CHGB: variants seen among roughly 807,000 people sequenced by gnomAD.
The protein encoded by CHGB is secretogranin-1.
Under a neutral mutation model 69.9 loss-of-function variants are expected in CHGB, and 46 were observed. The observed-to-expected ratio is 0.66, with a 90% CI of 0.52 to 0.84. The LOEUF (loss-of-function observed/expected upper bound fraction) is 0.84, where lower values mean the gene tolerates loss of function less well. Ranked by LOEUF, CHGB falls within the 40% of genes least tolerant of loss-of-function variation. The probability of loss-of-function intolerance (pLI) is 0.00; values close to 1 mark genes in which losing one functional copy is unlikely to be tolerated. For synonymous variants in CHGB, 312 were observed against 298.2 expected (o/e 1.05, Z -0.48); for missense variants, 796 against 822.2 (o/e 0.97, Z 0.39).
rs746929287 is a variant in CHGB at position 5,923,358 on chromosome 20, G to C, written c.1214G>C (p.Ser405Thr). 3.0e-5 allele frequency: 49 copies of C among 1,613,892 alleles called. No homozygotes were observed. Among genetic ancestry groups the C allele is most frequent in the Non-Finnish European group, 3.9e-5 (46 of 1,180,020 alleles). Residue 405 changes from serine (S) to threonine (T), a missense_variant, in exon 4 of 5, where the codon AGT (serine) becomes ACT (threonine). Ser to Thr is a moderately conservative substitution (Grantham distance 58). Coordinates refer to ENST00000378961, the MANE Select transcript of CHGB (RefSeq NM_001819.3). Reference protein sequence around the residue: ...DKMAHGYGEESEEERGLEPGK... With the variant: ...DKMAHGYGEETEEERGLEPGK... ...ATGGCACATGGATATGGTGAAGAAA[G>C]TGAGGAAGAGAGGGGCCTTGAGCCG...
chr20:5,916,349 A>G lies in CHGB; in HGVS notation c.73A>G (p.Asn25Asp), dbSNP rs748442966. 1.9e-6 allele frequency: 3 copies of G among 1,613,704 alleles called. No homozygotes were observed. The highest frequency in any genetic ancestry group is 2.2e-5 in the South Asian group (2 of 90,980). The change falls in exon 2 of 5, where the codon AAC becomes GAC. Residue 25 changes from asparagine to aspartate, a missense_variant. Coordinates refer to ENST00000378961, the MANE Select transcript of CHGB (RefSeq NM_001819.3). ...AGCTGTCAATTCCATGCCAGTGGATAACAGGAACCACAATGAAGGAATGGT... is the reference window on the plus strand; with the variant it reads ...AGCTGTCAATTCCATGCCAGTGGATGACAGGAACCACAATGAAGGAATGGT... ...LAAVNSMPVD[N>D]RNHNEGMVTR...
chr20:5,922,287 A>T lies in CHGB; in HGVS notation c.191-48A>T, dbSNP rs763292455. ...TGATTACTGAGGCTGGTGCTTGTGG[A>T]ACCACAAGCAATTCTGAAATTATAC... On this transcript the variant is annotated intron_variant, in intron 3 of 4. Coordinates refer to ENST00000378961, the MANE Select transcript of CHGB (RefSeq NM_001819.3). 4.5e-5 allele frequency: 68 copies of T among 1,495,678 alleles called. 1 individual carries two copies. The East Asian group carries it at 1.5e-3, about 34-fold the overall frequency. The allele number at this position is 1,495,678 out of a possible 1,614,324, so 92.7% of individuals were successfully genotyped here. A position where few individuals can be genotyped will look rare whatever the true frequency, so the allele number is the denominator to read the frequency against.
Position 5,922,928 on chromosome 20 carries a change from G to T in CHGB, c.784G>T (p.Glu262Ter). ...TAAAGGCCAACCCCGAAGCCAGGAAGAATCTGAGGAAGGTGAGGAAGATGC... is the reference window on the plus strand; with the variant it reads ...TAAAGGCCAACCCCGAAGCCAGGAATAATCTGAGGAAGGTGAGGAAGATGC... ...ESKGQPRSQE[E>*]SEEGEEDATS... The change falls in exon 4 of 5, where the codon GAA becomes TAA. Residue 262 changes from glutamate to a stop codon, truncating the protein, a stop_gained. Transcript: ENST00000378961. LOFTEE classifies it high-confidence loss of function. 1.2e-6 allele frequency: 2 copies of T among 1,612,884 alleles called. No homozygotes were observed. Among genetic ancestry groups the T allele is most frequent in the Non-Finnish European group, 1.7e-6 (2 of 1,179,438 alleles).
In CHGB at chr20:5,922,950, A is replaced by G; in HGVS notation, c.806A>G (p.Asp269Gly). Residue 269 changes from aspartate (D) to glycine (G), a missense_variant, in exon 4 of 5, where the codon GAT becomes GGT. Around this residue, in one of 3 missense-constraint regions of CHGB, gnomAD observed 518 missense variants for 506.3 expected, o/e 1.02. Transcript: ENST00000378961. ...GAAGAATCTGAGGAAGGTGAGGAAGATGCCACCTCTGAGGTGGACAAACGA... is the reference window on the plus strand; with the variant it reads ...GAAGAATCTGAGGAAGGTGAGGAAGGTGCCACCTCTGAGGTGGACAAACGA... ...SQEESEEGEE[D>G]ATSEVDKRRT... The G allele has an allele frequency of 6.2e-7, 1 of 1,611,598 alleles. No individual in the cohort carries two copies. Among genetic ancestry groups the G allele is most frequent in the Non-Finnish European group, 8.5e-7 (1 of 1,178,820 alleles).
chr20:5,925,142 G>A lies in CHGB; in HGVS notation c.*93G>A. ...GAAAGACACCATTTATCTACCCAAG[G>A]GCAGAAAGTAGAACTTACTATTCAT... On this transcript the variant is annotated 3_prime_UTR_variant, in exon 5 of 5. Coordinates refer to ENST00000378961, the MANE Select transcript of CHGB (RefSeq NM_001819.3). The A allele has an allele frequency of 1.3e-6, 1 of 749,026 alleles. No homozygotes were observed. The highest frequency in any genetic ancestry group is 2.4e-4 in the Middle Eastern group (1 of 4,186). 46.4% of individuals were successfully genotyped at this position (749,026 alleles called of 1,614,324 possible). A position where few individuals can be genotyped will look rare whatever the true frequency, so the allele number is the denominator to read the frequency against.
Position 5,923,021 on chromosome 20 carries a change from T to TC in CHGB, c.879dup (p.Ser294LeufsTer9), listed in dbSNP as rs777267029. 1 of 1,612,194 alleles carries TC rather than the reference T, an allele frequency of 6.2e-7. No individual in the cohort carries two copies. The highest frequency in any genetic ancestry group is 2.2e-5 in the East Asian group (1 of 44,768). On this transcript the variant is annotated frameshift_variant, in exon 4 of 5. Transcript: ENST00000378961. LOFTEE classifies it high-confidence loss of function. ...CCACGGGAGGAGCAGGCCCGACAGG[T>TC]CCTCTCAAGGAGGGAGTCTTCCCTC...
intron 3 of CHGB, among the ~76,000 whole-genome samples, chr20:5,918,928 A>T (rs1330178341): frequency 6.6e-6 from 1 of 151,730 alleles, no homozygotes; most frequent in African/African-American, 2.4e-5. Flanking sequence ...GGACCCTAGA[A>T]ACAGTGGATG....
chr20:5,913,628 C>CTTTTTTTTTTT (rs918275521), intron 1 of CHGB, among the ~76,000 whole-genome samples: 33 of 90,438 alleles, frequency 3.6e-4, no homozygotes, highest in Non-Finnish European at 5.2e-4. Context: ...CTTTTCTTTT[C>CTTTTTTTTTTT]TTTTTTTTTT....
rs2088530185 is a variant in CHGB, at chr20:5,923,502, T to C, written c.1358T>C (p.Met453Thr). Residue 453 changes from methionine to threonine, a missense_variant, in exon 4 of 5, where the codon ATG becomes ACG. Met to Thr is a moderately conservative substitution (Grantham distance 81, BLOSUM62 -1). Transcript: ENST00000378961. ...CACCACCGTGTCCAAGAAAACCAGA[T>C]GGACAAGGCAAGGAGGCATCCACAA... is the stretch of plus-strand genomic sequence containing the variant. ...EGHHRVQENQ[M>T]DKARRHPQGA... The C allele has an allele frequency of 1.2e-6, 2 of 1,613,930 alleles. No individual in the cohort carries two copies. Among genetic ancestry groups the C allele is most frequent in the Non-Finnish European group, 8.5e-7 (1 of 1,179,960 alleles).
intron 1 of CHGB, among the ~76,000 whole-genome samples, chr20:5,913,684 C>T (rs557927469): frequency 3.1e-5 from 4 of 130,454 alleles, no homozygotes; most frequent in East Asian, 2.2e-4. Context: ...GGCTGGAGTG[C>T]GGTGGTGCAA....
rs368135478 is a variant in CHGB, at chr20:5,918,558, A to G, written c.190+1639A>G. On this transcript the variant is annotated intron_variant, in intron 3 of 4. Coordinates refer to ENST00000378961, the MANE Select transcript of CHGB (RefSeq NM_001819.3). ...CCAGGCGCAGTGGCTCACACCTGTA[A>G]TCCCAGCACTTTGGGAGGCTGAGGC... Among the ~76,000 whole-genome samples, 167 of 152,204 alleles carry G rather than the reference A, an allele frequency of 1.1e-3. 1 individual carries two copies. Among genetic ancestry groups the G allele is most frequent in the South Asian group, 0.011 (52 of 4,826 alleles).
At chr20:5,913,641 T>C (rs539673342) in intron 1 of CHGB, among the ~76,000 whole-genome samples, 4 of 147,068 alleles carry the variant, frequency 2.7e-5, no homozygotes, top group African/African-American at 1.0e-4. Context: ...TTTTTTTTTT[T>C]TTTTTTGAGA....
In CHGB at chr20:5,925,125, C is replaced by T. The variant is rs559307936; in HGVS notation, c.*76C>T. 4.2e-5 allele frequency: 39 copies of T among 924,878 alleles called. No homozygotes were observed. The South Asian group carries it at 5.6e-4, about 13-fold the overall frequency. The allele number at this position is 924,878 out of a possible 1,614,324, so 57.3% of individuals were successfully genotyped here. On this transcript the variant is annotated 3_prime_UTR_variant, in exon 5 of 5. Transcript: ENST00000378961. ...TTTTTCACCACTTCACTGAAAGACA[C>T]CATTTATCTACCCAAGGGCAGAAAG...
rs2088535691 is a variant in CHGB at position 5,924,061 on chromosome 20, A to G, written c.1917A>G (p.Glu639=). The G allele has an allele frequency of 6.2e-7, 1 of 1,613,250 alleles. No individual in the cohort carries two copies. Among genetic ancestry groups the G allele is most frequent in the African/African-American group, 1.3e-5 (1 of 74,892 alleles). ...PVSTHQEAEN[E]KDRADQTVLT... Reference sequence around the variant, plus strand: ...GCACCCACCAGGAGGCAGAAAATGAAAAGGACAGGGCTGACCAGACAGTCC... The same window carrying G: ...GCACCCACCAGGAGGCAGAAAATGAGAAGGACAGGGCTGACCAGACAGTCC... Residue 639 remains glutamate (E), a synonymous_variant, in exon 4 of 5, where the codon GAA becomes GAG. Coordinates refer to ENST00000378961, the MANE Select transcript of CHGB (RefSeq NM_001819.3).
At chr20:5,914,497 T>G (rs2088464563) in intron 1 of CHGB, 2 of 152,026 alleles carry the variant, frequency 1.3e-5, no homozygotes, top group Non-Finnish European at 2.9e-5. Flanking sequence ...TAAAAACATC[T>G]ATTTTACATT....
Position 5,923,309 on chromosome 20 carries a change from T to C in CHGB, c.1165T>C (p.Tyr389His). 5.0e-6 allele frequency: 8 copies of C among 1,613,438 alleles called. No individual in the cohort carries two copies. Among genetic ancestry groups the C allele is most frequent in the Non-Finnish European group, 6.8e-6 (8 of 1,179,968 alleles). ...TTGGGATGAGGAGGACAAGAGAAAC[T>C]ACCCCAGCTTAGAGCTTGATAAGAT... Reference protein sequence around the residue: ...ESWDEEDKRNYPSLELDKMAH... With the variant: ...ESWDEEDKRNHPSLELDKMAH... Residue 389 changes from tyrosine (Y) to histidine (H), a missense_variant, in exon 4 of 5, where the codon TAC (tyrosine) becomes CAC (histidine). Tyr to His is a moderately conservative substitution (Grantham distance 83). This residue lies in a region of CHGB where 518 missense variants were observed against 506.3 expected (regional missense o/e 1.02). Transcript: ENST00000378961.
intron 2 of CHGB, 127 bp downstream of exon 2, chr20:5,916,499 G>C (rs1367141825): frequency 3.5e-6 from 3 of 848,452 alleles, no homozygotes; most frequent in African/African-American, 3.4e-5. Context: ...ATTGCTGACA[G>C]AATGTGAGCA....
At chr20:5,915,593 G>A (rs1223801984) in intron 1 of CHGB, 1 of 152,206 alleles carries the variant, frequency 6.6e-6, no homozygotes, top group Admixed American at 6.5e-5. Context: ...TTTTTGTCAA[G>A]GAAGTAAGTT....
intron 3 of CHGB, among the ~76,000 whole-genome samples, chr20:5,919,968 G>C (rs562630243): frequency 6.6e-6 from 1 of 152,132 alleles, no homozygotes; most frequent in African/African-American, 2.4e-5. Flanking sequence ...TTCTTCACAG[G>C]TACAAGAATC....
Sources: allele counts gnomAD v4.1 joint callset (sites outside exome capture counted in the v4.1 genomes callset), GRCh38; gene constraint gnomAD v4.1.1; regional missense constraint gnomAD v4.1.1; transcripts MANE v1.5; gene names NCBI Gene and HGNC (gene_info 2026-07-23, HGNC 2026-07-21).